The following SH3TC1 variants were observed in gnomAD, a reference collection of about 807,000 sequenced individuals.
The protein encoded by SH3TC1 is SH3 domain and tetratricopeptide repeat-containing protein 1.
SH3TC1 carries 135 observed loss-of-function variants against 117.3 expected under a neutral mutation model. The observed-to-expected ratio is 1.15, with a 90% confidence interval of 1.00 to 1.33. SH3TC1 has a LOEUF of 1.33. Ranked by LOEUF, SH3TC1 falls within the 40% of genes most tolerant of loss-of-function variation. SH3TC1 has a pLI of 0.00. For missense variants in SH3TC1, 2,092 were observed against 1,794.3 expected (o/e 1.17, Z -3.00); for synonymous variants, 898 against 816.9 (o/e 1.10, Z -1.69).
chr4:8,227,196 C>A lies in SH3TC1; in HGVS notation c.1502C>A (p.Ser501Ter). ...DDWEDPEALS[S>*]LLLFLNAPGY... ...TGGGAGGACCCAGAGGCCCTGAGCT[C>A]ACTGCTGCTGTTCCTGAACGCCCCT... Residue 501 changes from serine to a stop codon, truncating the protein, a stop_gained, in exon 12 of 18, where the codon TCA (serine) becomes TAA (stop). Coordinates refer to ENST00000245105, the MANE Select transcript of SH3TC1 (RefSeq NM_018986.5). LOFTEE classifies it high-confidence loss of function. 1 of 1,569,834 alleles carries A rather than the reference C, an allele frequency of 6.4e-7. No individual in the cohort carries two copies. Among genetic ancestry groups the A allele is most frequent in the East Asian group, 2.3e-5 (1 of 43,644 alleles).
At chr4:8,185,857 G>A (rs147751151) in intron 1 of SH3TC1, among the ~76,000 whole-genome samples, 5 of 152,326 alleles carry the variant, frequency 3.3e-5, no homozygotes, top group South Asian at 2.1e-4. Flanking sequence ...CAGCACAGTC[G>A]TGGTTTTATG....
At position 8,225,297 on chromosome 4, in the gene SH3TC1, G is replaced by A; in HGVS notation, c.1285+81G>A. ...ACGCTGGGGGAGGTGACAAAGCTGA[G>A]CACGGTGGGCATTGGGTGCGGCTGT... On this transcript the variant is annotated intron_variant, in intron 11 of 17. Coordinates refer to ENST00000245105, the MANE Select transcript of SH3TC1 (RefSeq NM_018986.5). This position sits in a 1 kb window ranked among gnomAD's most constrained non-coding sequence, Gnocchi z 5.5. The A allele has an allele frequency of 3.4e-6, 5 of 1,482,798 alleles. No individual in the cohort carries two copies. Among genetic ancestry groups the A allele is most frequent in the Non-Finnish European group, 4.6e-6 (5 of 1,080,898 alleles). 91.9% of individuals were successfully genotyped at this position (1,482,798 alleles called of 1,614,324 possible). A position where few individuals can be genotyped will look rare whatever the true frequency, so the allele number is the denominator to read the frequency against.
At chr4:8,231,445 A>T (rs1721198283) in intron 12 of SH3TC1, 1 of 156,774 alleles carries the variant, frequency 6.4e-6, no homozygotes, top group Non-Finnish European at 1.4e-5. Context: ...CTGACACTAG[A>T]AAATCAGCAG....
At chr4:8,223,854 C>T (rs533451999) in intron 10 of SH3TC1, among the ~76,000 whole-genome samples, 9 of 152,250 alleles carry the variant, frequency 5.9e-5, no homozygotes, top group East Asian at 1.9e-4. Context: ...AGGCTGTTCT[C>T]GAACTCCTGA....
chr4:8,239,884 G>A (rs1422877680), intron 17 of SH3TC1, among the ~76,000 whole-genome samples: 1 of 152,234 alleles, frequency 6.6e-6, no homozygotes, highest in Non-Finnish European at 1.5e-5. Flanking sequence ...CGGTGGGGCT[G>A]GGGGGCGTTG....
chr4:8,228,535 C>G lies in SH3TC1; in HGVS notation c.2841C>G (p.His947Gln), dbSNP rs747331691. 1 of 1,610,908 alleles carries G rather than the reference C, an allele frequency of 6.2e-7. No individual in the cohort carries two copies. The highest frequency in any genetic ancestry group is 1.1e-5 in the South Asian group (1 of 90,828). The stretch of plus-strand genomic sequence containing the variant: ...GGGAGTGTGGCCGGGACTTCACCCA[C>G]GTGCTCCTGCAGCTGGGCCATCTCT... ...PLGECGRDFT[H>Q]VLLQLGHLCT... Residue 947 changes from histidine (H) to glutamine (Q), a missense_variant, in exon 12 of 18, where the codon CAC (histidine) becomes CAG (glutamine). Physicochemically the swap from His to Gln is conservative, Grantham distance 24. Transcript: ENST00000245105.
At chr4:8,216,601 ACCC>A (rs1719301472) in intron 6 of SH3TC1, among the ~76,000 whole-genome samples, 1 of 152,070 alleles carries the variant, frequency 6.6e-6, no homozygotes, top group South Asian at 2.1e-4. Context: ...TGTCTTTCCT[ACCC>A]GACCACAGCA....
rs763702508 is a variant in SH3TC1, at chr4:8,228,510, G to T, written c.2816G>T (p.Gly939Val). 1 of 1,611,524 alleles carries T rather than the reference G, an allele frequency of 6.2e-7. No homozygotes were observed. The highest frequency in any genetic ancestry group is 8.5e-7 in the Non-Finnish European group (1 of 1,179,564). Residue 939 changes from glycine (G) to valine (V), a missense_variant, in exon 12 of 18, where the codon GGG (glycine) becomes GTG (valine). Physicochemically the swap from Gly to Val is moderately radical, Grantham distance 109. Transcript: ENST00000245105. Reference sequence around the variant, plus strand: ...CGGCTGTTCTCGAGGCTGCCCCTTGGGGAGTGTGGCCGGGACTTCACCCAC... The same window carrying T: ...CGGCTGTTCTCGAGGCTGCCCCTTGTGGAGTGTGGCCGGGACTTCACCCAC... Reference protein sequence around the residue: ...AVRLFSRLPLGECGRDFTHVL... With the variant: ...AVRLFSRLPLVECGRDFTHVL...
At position 8,213,961 on chromosome 4, in the gene SH3TC1, G is replaced by A. The variant is rs145586157; in HGVS notation, c.376-514G>A. 1.0e-3 allele frequency among the ~76,000 whole-genome samples: 158 copies of A among 151,902 alleles called. 1 individual carries two copies. The highest frequency in any genetic ancestry group is 3.7e-3 in the African/African-American group (153 of 41,422). ...AATGGAGACTCTAATAGTACCCCCC[G>A]ACACACACTTCCCGAGTCGGAAGAG... On this transcript the variant is annotated intron_variant, in intron 4 of 17. Coordinates refer to ENST00000245105, the MANE Select transcript of SH3TC1 (RefSeq NM_018986.5).
chr4:8,210,541 G>A lies in SH3TC1; in HGVS notation c.247+719G>A, dbSNP rs2152982341. Among the ~76,000 whole-genome samples, 1 of 152,290 alleles carries A rather than the reference G, an allele frequency of 6.6e-6. No individual in the cohort carries two copies. The highest frequency in any genetic ancestry group is 2.1e-4 in the South Asian group (1 of 4,824). ...AATCCCAGCACTTTGGGAGGCCGAG[G>A]CGGGTGGATCACTTGAGGTCAGGAG... is the stretch of plus-strand genomic sequence containing the variant. On this transcript the variant is annotated intron_variant, in intron 3 of 17. Transcript: ENST00000245105. The surrounding 1 kb of genome is among the most constrained non-coding windows in gnomAD (Gnocchi z 4.1).
rs543272789 is a variant in SH3TC1, at chr4:8,216,623, C to A, written c.629-334C>A. ...CCTACCCGACCACAGCAGGAGGGGG[C>A]CTGCCAGCAGTGGCTGGGGTCACTG... On this transcript the variant is annotated intron_variant, in intron 6 of 17. Transcript: ENST00000245105. Among the ~76,000 whole-genome samples, 5 of 152,304 alleles carry A rather than the reference C, an allele frequency of 3.3e-5. No homozygotes were observed. In the South Asian group the frequency reaches 6.2e-4, roughly 19 times the overall value.
chr4:8,237,607 G>A lies in SH3TC1; in HGVS notation c.3690G>A (p.Glu1230=). The change falls in exon 17 of 18, where the codon GAG becomes GAA. Residue 1230 remains glutamate (E), a synonymous_variant. Coordinates refer to ENST00000245105, the MANE Select transcript of SH3TC1 (RefSeq NM_018986.5). The stretch of plus-strand genomic sequence containing the variant: ...GCAACTCGCCGCTGGAGTTTGACGA[G>A]GAGACCCTCTACTACGTGAAGGTGT... ...SLCNSPLEFD[E]ETLYYVKVYL... is the part of the protein sequence containing the mutation. 6.2e-7 allele frequency: 1 copy of A among 1,612,692 alleles called. No individual in the cohort carries two copies. Among genetic ancestry groups the A allele is most frequent in the Admixed American group, 1.7e-5 (1 of 59,914 alleles).
At chr4:8,211,532 C>T (rs1418073937) in intron 3 of SH3TC1, among the ~76,000 whole-genome samples, 1 of 118,076 alleles carries the variant, frequency 8.5e-6, no homozygotes, top group East Asian at 2.5e-4. Flanking sequence ...CCTTCTACTC[C>T]TCATTCTCTT....
intron 1 of SH3TC1, among the ~76,000 whole-genome samples, chr4:8,189,116 C>T (rs1717328313): frequency 6.6e-6 from 1 of 152,272 alleles, no homozygotes; most frequent in African/African-American, 2.4e-5. Context: ...AGAGGTGAAC[C>T]CGGCTCGGAA....
At chr4:8,215,570 G>C (rs1719176630) in intron 5 of SH3TC1, among the ~76,000 whole-genome samples, 2 of 152,188 alleles carry the variant, frequency 1.3e-5, no homozygotes, top group African/African-American at 4.8e-5. Flanking sequence ...TGAGTGTGGA[G>C]GCAGGATTCT....
intron 6 of SH3TC1, 95 bp downstream of exon 6, chr4:8,216,352 C>G: frequency 6.6e-7 from 1 of 1,506,278 alleles, no homozygotes; most frequent in South Asian, 1.3e-5. Context: ...CTGAGCATGT[C>G]TGGGGCTGTG....
intron 4 of SH3TC1, among the ~76,000 whole-genome samples, chr4:8,213,701 C>G (rs1340082218): frequency 6.6e-6 from 1 of 152,044 alleles, no homozygotes; most frequent in Non-Finnish European, 1.5e-5. Flanking sequence ...AGTTTAAGAC[C>G]AGCTTCAGCA....
rs557745250 is a variant in SH3TC1, at chr4:8,203,296, G to A, written c.-28-1871G>A. 8.7e-4 allele frequency among the ~76,000 whole-genome samples: 132 copies of A among 152,160 alleles called. No homozygotes were observed. The South Asian group carries it at 0.022, about 25-fold the overall frequency. ...CGGGTGCGTGTGTGTGTGTGTGTGT[G>A]TGCTTGCACACAGGCTTGAGAATTG... is the stretch of plus-strand genomic sequence containing the variant. On this transcript the variant is annotated intron_variant, in intron 1 of 17. Coordinates refer to ENST00000245105, the MANE Select transcript of SH3TC1 (RefSeq NM_018986.5).
intron 17 of SH3TC1, among the ~76,000 whole-genome samples, chr4:8,239,631 C>T (rs891412729): frequency 6.6e-6 from 1 of 152,240 alleles, no homozygotes; most frequent in Non-Finnish European, 1.5e-5. Flanking sequence ...GACACAGGCA[C>T]ATGCACACAG....
Sources: gnomAD v4.1 joint callset for allele counts (sites outside exome capture counted in the v4.1 genomes callset) on GRCh38, gnomAD v4.1.1 for gene constraint, Gnocchi (gnomAD v3.1) non-coding constraint, MANE v1.5 for transcripts, NCBI Gene and HGNC (gene_info 2026-07-23, HGNC 2026-07-21) for gene names.